ANO2: variants seen among roughly 807,000 people sequenced by gnomAD.
The protein encoded by ANO2 is anoctamin 2, also known as anoctamin-2.
In ANO2, 101 loss-of-function variants were observed where a neutral mutation model predicts 124.2. The observed-to-expected ratio is 0.81, with a 90% CI of 0.69 to 0.96. ANO2 has a LOEUF of 0.96. Among genes scored for constraint, ANO2 ranks in the 40% least tolerant of loss-of-function variants. The pLI is 0.00. For synonymous variants in ANO2, 486 were observed against 482.5 expected (o/e 1.01, Z -0.09); for missense variants, 1,293 against 1,274.5 (o/e 1.01, Z -0.22).
At chr12:5,653,937 C>CA (rs1197167290) in intron 14 of ANO2, among the ~76,000 whole-genome samples, 3 of 152,084 alleles carry the variant, frequency 2.0e-5, no homozygotes, top group African/African-American at 7.2e-5. Context: ...ATGGAGATAC[C>CA]ATAACACAGA....
chr12:5,711,048 C>T (rs369298354), intron 14 of ANO2, among the ~76,000 whole-genome samples: 13 of 152,016 alleles, frequency 8.6e-5, no homozygotes, highest in African/African-American at 2.4e-4. Flanking sequence ...GTCCCAGCTA[C>T]TCAGGAGGCT....
intron 12 of ANO2, among the ~76,000 whole-genome samples, chr12:5,743,153 G>T (rs531369319): frequency 3.3e-5 from 5 of 152,020 alleles, no homozygotes; most frequent in Non-Finnish European, 7.4e-5. Flanking sequence ...CCGAGAACAG[G>T]CCTCTCCCTC....
At chr12:5,590,967 AC>A (rs1200949627) in intron 20 of ANO2, among the ~76,000 whole-genome samples, 2 of 152,136 alleles carry the variant, frequency 1.3e-5, no homozygotes, top group Non-Finnish European at 2.9e-5. Flanking sequence ...CGGGCAGATC[AC>A]CTGAGGTCAG....
intron 10 of ANO2, among the ~76,000 whole-genome samples, chr12:5,753,286 C>T (rs1466214733): frequency 2.6e-5 from 4 of 152,046 alleles, no homozygotes; most frequent in African/African-American, 9.7e-5. Flanking sequence ...GTATGGTCAT[C>T]CACATGTTGC....
At chr12:5,621,696 G>A (rs1023698930) in intron 16 of ANO2, among the ~76,000 whole-genome samples, 5 of 152,160 alleles carry the variant, frequency 3.3e-5, no homozygotes, top group African/African-American at 1.2e-4. Flanking sequence ...ACTCTTGGGG[G>A]ACTGCTGAAG....
At chr12:5,641,106 G>A (rs1464591705) in intron 15 of ANO2, among the ~76,000 whole-genome samples, 1 of 151,884 alleles carries the variant, frequency 6.6e-6, no homozygotes, top group Non-Finnish European at 1.5e-5. Context: ...CCATCATTCT[G>A]AGCAAACTAT....
chr12:5,736,523 G>A (rs988644918), intron 13 of ANO2, among the ~76,000 whole-genome samples: 1 of 152,134 alleles, frequency 6.6e-6, no homozygotes, highest in Non-Finnish European at 1.5e-5. Context: ...TCTAATCATG[G>A]CTTTCAAGGA....
intron 4 of ANO2, among the ~76,000 whole-genome samples, chr12:5,849,161 A>G (rs895032645): frequency 1.3e-5 from 2 of 152,192 alleles, no homozygotes; most frequent in Non-Finnish European, 2.9e-5. Flanking sequence ...TCACTCTATT[A>G]ACAATAGCTA....
intron 1 of ANO2, among the ~76,000 whole-genome samples, chr12:5,942,475 T>C (rs1216240755): frequency 6.6e-6 from 1 of 152,196 alleles, no homozygotes; most frequent in African/African-American, 2.4e-5. Flanking sequence ...CCAGTCTCCT[T>C]TCATTACATA....
chr12:5,635,481 C>A lies in ANO2; in HGVS notation c.1621-134G>T. ...ATCTTTTGTTGGGTAACAAGGGATT[C>A]CAGATATTATTAGTCTGGAATATTT... On this transcript the variant is annotated intron_variant, in intron 15 of 24. Transcript: ENST00000682330. The surrounding 1 kb of genome is among the most constrained non-coding windows in gnomAD (Gnocchi z 5.2). 2.6e-6 allele frequency: 2 copies of A among 755,916 alleles called. No homozygotes were observed. The highest frequency in any genetic ancestry group is 3.8e-6 in the Non-Finnish European group (2 of 530,630). The allele number at this position is 755,916 out of a possible 1,614,324, so 46.8% of individuals were successfully genotyped here. A position where few individuals can be genotyped will look rare whatever the true frequency, so the allele number is the denominator to read the frequency against.
chr12:5,673,493 A>AGATCAC (rs1232811419), intron 14 of ANO2, among the ~76,000 whole-genome samples: 1 of 152,206 alleles, frequency 6.6e-6, no homozygotes, highest in African/African-American at 2.4e-5. Flanking sequence ...TTTTTCTCAT[A>AGATCAC]GATCACGGAA....
chr12:5,655,773 C>T (rs750803530), intron 14 of ANO2, among the ~76,000 whole-genome samples: 3 of 152,212 alleles, frequency 2.0e-5, no homozygotes, highest in Non-Finnish European at 4.4e-5. Flanking sequence ...TAAGTGGCAG[C>T]TCTGGAATCC....
intron 10 of ANO2, among the ~76,000 whole-genome samples, chr12:5,788,268 G>C (rs1182125325): frequency 1.3e-5 from 2 of 152,314 alleles, no homozygotes; most frequent in Non-Finnish European, 1.5e-5. Context: ...AAAGACACAT[G>C]AACACAATAC....
intron 14 of ANO2, among the ~76,000 whole-genome samples, chr12:5,721,128 A>C (rs987743490): frequency 6.6e-6 from 1 of 152,192 alleles, no homozygotes; most frequent in African/African-American, 2.4e-5. Flanking sequence ...GTTTATTTTT[A>C]AATACCAAGG....
rs1303745923 is a variant in ANO2 at position 5,736,914 on chromosome 12, T to A, written c.1434+2403A>T. Reference sequence around the variant, plus strand: ...AGCCAACCAGTCTTCAAAACCCTGATTTTTTAAGAATTTCCTCTCTACATT... The same window carrying A: ...AGCCAACCAGTCTTCAAAACCCTGAATTTTTAAGAATTTCCTCTCTACATT... On this transcript the variant is annotated intron_variant, in intron 13 of 24. Coordinates refer to ENST00000682330, the MANE Select transcript of ANO2 (RefSeq NM_001364791.2). Among the ~76,000 whole-genome samples the A allele has an allele frequency of 2.6e-5, 4 of 152,302 alleles. No homozygotes were observed. In the East Asian group the frequency reaches 7.7e-4, roughly 29 times the overall value.
intron 16 of ANO2, among the ~76,000 whole-genome samples, chr12:5,625,989 G>T (rs1243122476): frequency 6.6e-6 from 1 of 152,154 alleles, no homozygotes; most frequent in Non-Finnish European, 1.5e-5. Context: ...TGGTGTAAGG[G>T]CTCAAAGATT....
intron 4 of ANO2, among the ~76,000 whole-genome samples, chr12:5,841,092 C>T (rs904594434): frequency 5.3e-5 from 8 of 152,288 alleles, no homozygotes; most frequent in Admixed American, 2.6e-4. Flanking sequence ...GTGGTGCCTG[C>T]GAGAGGCACA....
intron 7 of ANO2, 29 bp downstream of exon 7, chr12:5,827,740 G>A (rs1250953486): frequency 3.4e-5 from 54 of 1,601,744 alleles, no homozygotes; most frequent in Non-Finnish European, 4.5e-5. Context: ...GCGCCCGTCA[G>A]CACCCTGCCC....
chr12:5,684,173 C>T (rs1050099985), intron 14 of ANO2, among the ~76,000 whole-genome samples: 4 of 152,166 alleles, frequency 2.6e-5, no homozygotes, highest in East Asian at 1.9e-4. Context: ...CTCCTCTGCT[C>T]GCCATGTGGC....
Sources: gnomAD v4.1 joint callset for allele counts (sites outside exome capture counted in the v4.1 genomes callset) on GRCh38, gnomAD v4.1.1 for gene constraint, Gnocchi (gnomAD v3.1) non-coding constraint, MANE v1.5 for transcripts, NCBI Gene and HGNC (gene_info 2026-07-23, HGNC 2026-07-21) for gene names.